Variants in USP47 observed in about 807,000 individuals in gnomAD.
USP47 encodes the protein ubiquitin carboxyl-terminal hydrolase 47.
A neutral mutation model predicts 165.1 loss-of-function variants in USP47; 35 were observed. The observed-to-expected ratio is 0.21, with a 90% CI of 0.16 to 0.28. USP47 has a LOEUF of 0.28. Ranked by LOEUF, USP47 falls within the 10% of genes least tolerant of loss-of-function variation. USP47 has a pLI of 1.00. For synonymous variants in USP47, 531 were observed against 544.5 expected, an observed-to-expected ratio of 0.98 and a Z score of 0.35; for missense variants, 1,277 against 1,607.4, an observed-to-expected ratio of 0.79 and a Z score of 3.52.
chr11:11,886,475 A>G (rs1851171879), intron 3 of USP47, among the ~76,000 whole-genome samples: 1 of 152,218 alleles, frequency 6.6e-6, no homozygotes, highest in African/African-American at 2.4e-5. Context: ...GAATAGACCA[A>G]GTAGAGAAAA....
chr11:11,892,835 G>GAAA (rs981550941), intron 4 of USP47, among the ~76,000 whole-genome samples: 3 of 98,404 alleles, frequency 3.0e-5, no homozygotes, highest in African/African-American at 7.2e-5. Context: ...AAAAAAAAAA[G>GAAA]AAAAAGAAAA....
rs746460783 is a variant in USP47 at position 11,892,024 on chromosome 11, A to G, written c.414A>G (p.Pro138=). 3.7e-6 allele frequency: 6 copies of G among 1,613,972 alleles called. No homozygotes were observed. In the South Asian group the frequency reaches 6.6e-5, roughly 18 times the overall value. Residue 138 remains proline (P), a synonymous_variant, in exon 4 of 28, where the codon CCA becomes CCG. Coordinates refer to ENST00000527733, the MANE Select transcript of USP47 (RefSeq NM_001282659.2). ...ATGACAGGTTTATAGGTCCGCTTCC[A>G]AGAGAAGGTTCTGGGGGTTCTACCA... ...SVHDRFIGPL[P]REGSGGSTSD...
At chr11:11,948,399 G>C (rs1855989905) in intron 21 of USP47, 79 bp from the exon 22 acceptor site, 14 of 1,300,542 alleles carry the variant, frequency 1.1e-5, no homozygotes, top group Non-Finnish European at 1.5e-5. Context: ...GAGTATTTTG[G>C]AAAGTTTAAA....
chr11:11,947,416 AT>A (rs1200784508), intron 20 of USP47, among the ~76,000 whole-genome samples: 1 of 152,166 alleles, frequency 6.6e-6, no homozygotes, highest in African/African-American at 2.4e-5. Context: ...AAATTAAATA[AT>A]ATTACTAACA....
chr11:11,958,699 T>G lies in USP47; in HGVS notation c.*2524T>G, dbSNP rs1162480403. On this transcript the variant is annotated 3_prime_UTR_variant, in exon 28 of 28. Coordinates refer to ENST00000527733, the MANE Select transcript of USP47 (RefSeq NM_001282659.2). Reference sequence around the variant, plus strand: ...CCCTGTGAGAACCAAGTACCTGTGTTTCTAAGGCGGGCACTCAAGGTGAGG... The same window carrying G: ...CCCTGTGAGAACCAAGTACCTGTGTGTCTAAGGCGGGCACTCAAGGTGAGG... 1 of 152,232 alleles carries G rather than the reference T, an allele frequency of 6.6e-6. No homozygotes were observed. The highest frequency in any genetic ancestry group is 1.5e-5 in the Non-Finnish European group (1 of 68,070). The allele number at this position is 152,232 out of a possible 1,614,324, so 9.4% of individuals were successfully genotyped here.
intron 1 of USP47, among the ~76,000 whole-genome samples, chr11:11,844,536 A>G (rs982188814): frequency 1.6e-4 from 25 of 152,196 alleles, no homozygotes; most frequent in African/African-American, 5.8e-4. Flanking sequence ...TGGCAGACCT[A>G]GTGCTAGAAC....
chr11:11,942,240 CTG>C lies in USP47; in HGVS notation c.2314-91_2314-90del, dbSNP rs1188914801. 2.9e-5 allele frequency: 38 copies of C among 1,288,250 alleles called. 1 individual carries two copies. The African/African-American group carries it at 4.2e-4, about 14-fold the overall frequency. 79.8% of individuals were successfully genotyped at this position (1,288,250 alleles called of 1,614,324 possible). A position where few individuals can be genotyped will look rare whatever the true frequency, so the allele number is the denominator to read the frequency against. ...TATCATCACACATGTTATAACATAA[CTG>C]TGTATTGTGTTGTATTGATGCAATA... On this transcript the variant is annotated intron_variant, in intron 19 of 27. Transcript: ENST00000527733.
chr11:11,870,690 C>T (rs534069952), intron 1 of USP47, among the ~76,000 whole-genome samples: 41 of 152,280 alleles, frequency 2.7e-4, no homozygotes, highest in African/African-American at 9.4e-4. Context: ...CTGAAAAATA[C>T]TGTGCCACTT....
At chr11:11,934,344 CA>C (rs1270349930) in intron 16 of USP47, among the ~76,000 whole-genome samples, 1 of 152,036 alleles carries the variant, frequency 6.6e-6, no homozygotes, top group Non-Finnish European at 1.5e-5. Context: ...CTGGAAAGAA[CA>C]GACAAAACGT....
At chr11:11,845,615 C>T (rs4255536) in intron 1 of USP47, among the ~76,000 whole-genome samples, 119,230 of 152,074 alleles carry the variant, frequency 0.78, 47,479 homozygotes, top group African/African-American at 0.93. Flanking sequence ...AGGTTTTGTA[C>T]TATAGGTTTA....
Position 11,942,386 on chromosome 11 carries a change from T to C in USP47, c.2365T>C (p.Ser789Pro), listed in dbSNP as rs200754879. 6.2e-7 allele frequency: 1 copy of C among 1,612,964 alleles called. No homozygotes were observed. Among genetic ancestry groups the C allele is most frequent in the South Asian group, 1.1e-5 (1 of 90,976 alleles). ...GGATTACCAGATGGCCTTTGCAGACTCTCATTTATGGAAACTCCTGGATCG... is the reference window on the plus strand; with the variant it reads ...GGATTACCAGATGGCCTTTGCAGACCCTCATTTATGGAAACTCCTGGATCG... ...TLDYQMAFAD[S>P]HLWKLLDRHA... is the part of the protein sequence containing the mutation. Residue 789 changes from serine (S) to proline (P), a missense_variant, in exon 20 of 28, where the codon TCT (serine) becomes CCT (proline). By Grantham distance (74) the Ser-to-Pro change is moderately conservative (BLOSUM62 -1). This residue lies in a region of USP47 where 909 missense variants were observed against 1,068.1 expected (regional missense o/e 0.85). Transcript: ENST00000527733.
chr11:11,920,829 C>T (rs987541169), intron 10 of USP47, among the ~76,000 whole-genome samples: 1 of 151,724 alleles, frequency 6.6e-6, no homozygotes, highest in Non-Finnish European at 1.5e-5. Context: ...TGAAACCAGC[C>T]TGAAGGTAAG....
intron 1 of USP47, among the ~76,000 whole-genome samples, chr11:11,865,586 G>C (rs1849627350): frequency 6.6e-6 from 1 of 152,018 alleles, no homozygotes; most frequent in African/African-American, 2.4e-5. Context: ...CCACCAGACT[G>C]TTTTCCACAG....
intron 1 of USP47, among the ~76,000 whole-genome samples, chr11:11,850,671 G>A (rs1848676381): frequency 6.6e-6 from 1 of 152,094 alleles, no homozygotes; most frequent in Non-Finnish European, 1.5e-5. Flanking sequence ...TTTTGTGTAG[G>A]ATGGTAAATC....
At position 11,936,494 on chromosome 11, in the gene USP47, A is replaced by G. The variant is rs371178761; in HGVS notation, c.2061A>G (p.Gln687=). 5.7e-6 allele frequency: 9 copies of G among 1,587,632 alleles called. No homozygotes were observed. In the African/African-American group the frequency reaches 8.1e-5, roughly 14 times the overall value. ...CGAGAAAGCCTGATCAGGTTTTCCA[A>G]TCTTATAAACCTGGAGGTGAGCAAT... ...LETRKPDQVF[Q]SYKPGEVMVK... The change falls in exon 17 of 28, where the codon CAA becomes CAG. Residue 687 remains glutamine (Q), a synonymous_variant. Coordinates refer to ENST00000527733, the MANE Select transcript of USP47 (RefSeq NM_001282659.2).
chr11:11,953,778 CTT>C (rs1417901468), intron 25 of USP47, among the ~76,000 whole-genome samples: 1 of 152,142 alleles, frequency 6.6e-6, no homozygotes, highest in African/African-American at 2.4e-5. Context: ...ATTTTTCACT[CTT>C]AAATTGGTGA....
At chr11:11,932,083 C>T (rs10765908) in intron 14 of USP47, among the ~76,000 whole-genome samples, 44,357 of 152,050 alleles carry the variant, frequency 0.29, 6,564 homozygotes, top group Middle Eastern at 0.37. Context: ...TAGCATCTGC[C>T]CAGCTTCTGA....
intron 1 of USP47, among the ~76,000 whole-genome samples, chr11:11,875,581 A>C (rs934002415): frequency 6.6e-6 from 1 of 152,168 alleles, no homozygotes; most frequent in African/African-American, 2.4e-5. Flanking sequence ...CACCTTTTAT[A>C]AACAAGACTA....
At chr11:11,925,209 G>A (rs1414817248) in intron 11 of USP47, among the ~76,000 whole-genome samples, 3 of 151,298 alleles carry the variant, frequency 2.0e-5, no homozygotes, top group Admixed American at 6.6e-5. Flanking sequence ...CCAAGTTCAC[G>A]CCATTCTCCT....
Sources: gnomAD v4.1 joint callset for allele counts (sites outside exome capture counted in the v4.1 genomes callset) on GRCh38, gnomAD v4.1.1 for gene constraint, gnomAD v4.1.1 regional missense constraint, MANE v1.5 for transcripts, NCBI Gene and HGNC (gene_info 2026-07-23, HGNC 2026-07-21) for gene names.